PLXDC2: variants seen among roughly 807,000 people sequenced by gnomAD.
PLXDC2 encodes the protein plexin domain-containing protein 2.
A neutral mutation model predicts 68.9 loss-of-function variants in PLXDC2; 40 were observed. The observed-to-expected ratio is 0.58, with a 90% CI of 0.45 to 0.76. The LOEUF is 0.76. Ranked by LOEUF, PLXDC2 falls within the 30% of genes least tolerant of loss-of-function variation. The probability of loss-of-function intolerance (pLI) is 0.00; values close to 1 mark genes in which losing one functional copy is unlikely to be tolerated. For missense variants in PLXDC2, 644 were observed against 661.9 expected (o/e 0.97, Z 0.30); for synonymous variants, 243 against 234.2 (o/e 1.04, Z -0.34).
intron 1 of PLXDC2, among the ~76,000 whole-genome samples, chr10:19,902,921 A>G (rs901150304): frequency 6.6e-6 from 1 of 152,126 alleles, no homozygotes; most frequent in Non-Finnish European, 1.5e-5. Flanking sequence ...GCTTTTTTCT[A>G]CATCTATTGA....
chr10:20,211,536 A>G (rs998582050), intron 9 of PLXDC2, 133 bp from the exon 10 acceptor site: 9 of 705,446 alleles, frequency 1.3e-5, no homozygotes, highest in Non-Finnish European at 1.9e-5. Context: ...TGCGAGTTCT[A>G]TAGAAGAGTT....
intron 9 of PLXDC2, among the ~76,000 whole-genome samples, chr10:20,179,182 C>T (rs1834567959): frequency 6.6e-6 from 1 of 152,090 alleles, no homozygotes; most frequent in African/African-American, 2.4e-5. Context: ...CAGTGATCAC[C>T]TCGTCCAAGT....
intron 1 of PLXDC2, among the ~76,000 whole-genome samples, chr10:19,973,374 AT>A (rs889705063): frequency 1.3e-5 from 2 of 149,006 alleles, no homozygotes; most frequent in African/African-American, 4.9e-5. Context: ...GTATACATAT[AT>A]ATGTGAATAT....
At chr10:19,853,652 T>TGG (rs10563076) in intron 1 of PLXDC2, among the ~76,000 whole-genome samples, 71 of 129,222 alleles carry the variant, frequency 5.5e-4, no homozygotes, top group Middle Eastern at 4.0e-3. Context: ...CTGCTTTGGG[T>TGG]GGGGGGGGGG....
rs988048263 is a variant in PLXDC2 at position 20,289,401 on chromosome 10, T to G, written c.*9582T>G. 2 of 151,178 alleles carry G rather than the reference T, an allele frequency of 1.3e-5. No homozygotes were observed. The highest frequency in any genetic ancestry group is 4.9e-5 in the African/African-American group (2 of 40,478). The allele number at this position is 151,178 out of a possible 1,614,324, so 9.4% of individuals were successfully genotyped here. On this transcript the variant is annotated 3_prime_UTR_variant, in exon 14 of 14. Coordinates refer to ENST00000377252, the MANE Select transcript of PLXDC2 (RefSeq NM_032812.9). ...TAGTGCTGGAATAAGTCAAGGTACT[T>G]CAGTTCAGCTCTTGCCTCTGTCACT...
rs545858805 is a variant in PLXDC2 at position 20,289,202 on chromosome 10, C to G, written c.*9383C>G. On this transcript the variant is annotated 3_prime_UTR_variant, in exon 14 of 14. Coordinates refer to ENST00000377252, the MANE Select transcript of PLXDC2 (RefSeq NM_032812.9). The stretch of plus-strand genomic sequence containing the variant: ...GAAAGTTATTTTGCTTCTAAACCCA[C>G]CCCGATGTGGAAACTGATACTAGCT... 1 of 152,232 alleles carries G rather than the reference C, an allele frequency of 6.6e-6. No homozygotes were observed. Among genetic ancestry groups the G allele is most frequent in the African/African-American group, 2.4e-5 (1 of 41,522 alleles). The allele number at this position is 152,232 out of a possible 1,614,324, so 9.4% of individuals were successfully genotyped here. A position where few individuals can be genotyped will look rare whatever the true frequency, so the allele number is the denominator to read the frequency against.
rs535248249 is a variant in PLXDC2, at chr10:20,143,837, A to T, written c.664+420A>T. 5.9e-5 allele frequency among the ~76,000 whole-genome samples: 9 copies of T among 152,260 alleles called. No homozygotes were observed. In the South Asian group the frequency reaches 1.7e-3, roughly 28 times the overall value. On this transcript the variant is annotated intron_variant, in intron 5 of 13. Transcript: ENST00000377252. ...CTTATGACTTGTATGTATCAATAAG[A>T]TGAACACATATTTTAAGAAGTATAA...
intron 4 of PLXDC2, among the ~76,000 whole-genome samples, chr10:20,070,218 A>G (rs1836292780): frequency 6.6e-6 from 1 of 152,246 alleles, no homozygotes; most frequent in Non-Finnish European, 1.5e-5. Flanking sequence ...CTTAAGTAAT[A>G]AACTTTAAGA....
chr10:20,048,021 T>C (rs1835827317), intron 3 of PLXDC2, among the ~76,000 whole-genome samples: 1 of 152,142 alleles, frequency 6.6e-6, no homozygotes, highest in African/African-American at 2.4e-5. Context: ...GTGTCATTGA[T>C]GAAGCCATGA....
chr10:20,066,786 A>G (rs1836219032), intron 3 of PLXDC2, among the ~76,000 whole-genome samples: 1 of 152,220 alleles, frequency 6.6e-6, no homozygotes, highest in Non-Finnish European at 1.5e-5. Flanking sequence ...TTATTTGCAA[A>G]ATGGGAAAAA....
chr10:20,198,223 A>G (rs1379799684), intron 9 of PLXDC2, among the ~76,000 whole-genome samples: 2 of 152,192 alleles, frequency 1.3e-5, no homozygotes, highest in Non-Finnish European at 2.9e-5. Context: ...GTTAGAAATC[A>G]GAGGGAAATG....
intron 3 of PLXDC2, among the ~76,000 whole-genome samples, chr10:20,052,566 G>A (rs1835921393): frequency 6.6e-6 from 1 of 151,858 alleles, no homozygotes; most frequent in African/African-American, 2.4e-5. Context: ...AATTAGCTTT[G>A]CTCTTGTTCT....
At chr10:20,020,100 T>C (rs1242778477) in intron 2 of PLXDC2, among the ~76,000 whole-genome samples, 1 of 151,470 alleles carries the variant, frequency 6.6e-6, no homozygotes, top group African/African-American at 2.4e-5. Flanking sequence ...GAGCCTTGAA[T>C]TCCTGGGCTC....
At chr10:20,258,155 C>A (rs112843308) in intron 13 of PLXDC2, among the ~76,000 whole-genome samples, 1,558 of 151,956 alleles carry the variant, frequency 0.01, 26 homozygotes, top group African/African-American at 0.034. Flanking sequence ...GCCTCTGCCA[C>A]CATTCCCAGC....
chr10:20,125,089 T>C (rs576490029), intron 4 of PLXDC2, among the ~76,000 whole-genome samples: 1 of 152,230 alleles, frequency 6.6e-6, no homozygotes, highest in South Asian at 2.1e-4. Flanking sequence ...CCAAAACATT[T>C]AACAGCTACC....
chr10:20,194,006 AC>A (rs1179884344), intron 9 of PLXDC2, among the ~76,000 whole-genome samples: 6 of 151,994 alleles, frequency 3.9e-5, no homozygotes, highest in African/African-American at 1.4e-4. Context: ...CTACTTAAGG[AC>A]CTGAGCTTGG....
intron 4 of PLXDC2, among the ~76,000 whole-genome samples, chr10:20,117,518 C>A (rs368144809): frequency 6.6e-6 from 1 of 152,100 alleles, no homozygotes; most frequent in African/African-American, 2.4e-5. Context: ...ACTCTTGATT[C>A]GCCAGGTCTA....
intron 1 of PLXDC2, among the ~76,000 whole-genome samples, chr10:19,951,035 G>A (rs1833982696): frequency 1.3e-5 from 2 of 152,066 alleles, no homozygotes; most frequent in Non-Finnish European, 2.9e-5. Flanking sequence ...TCCTCAAACT[G>A]TAAGAATCCT....
chr10:20,038,763 TA>T (rs1835624245), intron 2 of PLXDC2, among the ~76,000 whole-genome samples: 1 of 152,108 alleles, frequency 6.6e-6, no homozygotes, highest in Non-Finnish European at 1.5e-5. Flanking sequence ...TTTTTTTGAT[TA>T]AAAAAATTAA....
Sources: gnomAD v4.1 joint callset for allele counts (sites outside exome capture counted in the v4.1 genomes callset) on GRCh38, gnomAD v4.1.1 for gene constraint, MANE v1.5 for transcripts, NCBI Gene and HGNC (gene_info 2026-07-23, HGNC 2026-07-21) for gene names.